The following CDH6 variants were observed in gnomAD, a reference collection of about 807,000 sequenced individuals.
CDH6 encodes the protein cadherin 6.
CDH6 carries 31 observed loss-of-function variants against 78.0 expected under a neutral mutation model. The ratio of observed to expected loss-of-function variants is 0.40; its 90% CI spans 0.30 to 0.54. The LOEUF (loss-of-function observed/expected upper bound fraction) is 0.54. CDH6 is among the 20% of genes least tolerant of loss of function. The pLI, the probability that CDH6 is intolerant of heterozygous loss-of-function variation, is 0.56. For synonymous variants in CDH6, 376 were observed against 368.8 expected (o/e 1.02, Z -0.23); for missense variants, 724 against 975.9 (o/e 0.74, Z 3.44).
intron 1 of CDH6, among the ~76,000 whole-genome samples, chr5:31,259,174 A>G (rs995486632): frequency 6.6e-6 from 1 of 152,208 alleles, no homozygotes; most frequent in Non-Finnish European, 1.5e-5. Context: ...ACATCATGTA[A>G]TTGATAAAAG....
In CDH6 at chr5:31,267,202, G is replaced by T. The variant is rs185851196; in HGVS notation, c.-128-144G>T. The T allele has an allele frequency of 8.4e-5, 37 of 442,130 alleles. No homozygotes were observed. In the East Asian group the frequency reaches 1.3e-3, roughly 15 times the overall value. 27.4% of individuals were successfully genotyped at this position (442,130 alleles called of 1,614,324 possible). A position where few individuals can be genotyped will look rare whatever the true frequency, so the allele number is the denominator to read the frequency against. On this transcript the variant is annotated intron_variant, in intron 1 of 11. Transcript: ENST00000265071. ...TTCCATTTAGCATGTCTGGAAGACCGTCTCCTTCGTTTCAAAATTGATAGC... is the reference window on the plus strand; with the variant it reads ...TTCCATTTAGCATGTCTGGAAGACCTTCTCCTTCGTTTCAAAATTGATAGC...
intron 7 of CDH6, among the ~76,000 whole-genome samples, chr5:31,311,150 G>A (rs573896585): frequency 6.6e-6 from 1 of 152,266 alleles, no homozygotes; most frequent in African/African-American, 2.4e-5. Flanking sequence ...TACACTTTAA[G>A]AAACAGCCAG....
rs1738608429 is a variant in CDH6, at chr5:31,325,589, T to C, written c.*2281T>C. 2 of 230,802 alleles carry C rather than the reference T, an allele frequency of 8.7e-6. No individual in the cohort carries two copies. Among genetic ancestry groups the C allele is most frequent in the African/African-American group, 2.2e-5 (1 of 45,244 alleles). The allele number at this position is 230,802 out of a possible 1,614,324, so 14.3% of individuals were successfully genotyped here. Reference sequence around the variant, plus strand: ...TAGTCCTGTAAAAAGAAAGGTATCATCTGAAGTTGAGGATTGACACTAGCA... The same window carrying C: ...TAGTCCTGTAAAAAGAAAGGTATCACCTGAAGTTGAGGATTGACACTAGCA... On this transcript the variant is annotated 3_prime_UTR_variant, in exon 12 of 12. Transcript: ENST00000265071.
At chr5:31,271,096 T>C (rs1038688046) in intron 2 of CDH6, among the ~76,000 whole-genome samples, 1 of 152,162 alleles carries the variant, frequency 6.6e-6, no homozygotes, top group African/African-American at 2.4e-5. Context: ...GATAGAAGCA[T>C]TAACTGAGGA....
intron 1 of CDH6, among the ~76,000 whole-genome samples, chr5:31,216,683 C>CAAAAAA (rs70953498): frequency 2.3e-5 from 3 of 132,654 alleles, no homozygotes; most frequent in Admixed American, 7.7e-5. Context: ...GCCCTGCCAC[C>CAAAAAA]AAAAAAAAAA....
At chr5:31,298,963 G>A (rs184275883) in intron 4 of CDH6, among the ~76,000 whole-genome samples, 10 of 152,242 alleles carry the variant, frequency 6.6e-5, no homozygotes, top group East Asian at 5.8e-4. Flanking sequence ...CAGAGCATTC[G>A]TTATGGTAGG....
chr5:31,257,191 T>C (rs142127040), intron 1 of CDH6, among the ~76,000 whole-genome samples: 24 of 151,802 alleles, frequency 1.6e-4, no homozygotes, highest in African/African-American at 5.3e-4. Context: ...TGAGACGGAG[T>C]CTTGCTCTGT....
Position 31,267,434 on chromosome 5 carries a change from T to C in CDH6, c.-40T>C. The C allele has an allele frequency of 6.8e-7, 1 of 1,471,244 alleles. No homozygotes were observed. The highest frequency in any genetic ancestry group is 9.5e-7 in the Non-Finnish European group (1 of 1,051,132). The allele number at this position is 1,471,244 out of a possible 1,614,324, so 91.1% of individuals were successfully genotyped here. A position where few individuals can be genotyped will look rare whatever the true frequency, so the allele number is the denominator to read the frequency against. ...GCAGTGAAAAAGGCACTTCCAAGAG[T>C]GGGGCACTCACTACGCACAGACTCG... On this transcript the variant is annotated 5_prime_UTR_variant, in exon 2 of 12. Coordinates refer to ENST00000265071, the MANE Select transcript of CDH6 (RefSeq NM_004932.4).
intron 1 of CDH6, among the ~76,000 whole-genome samples, chr5:31,196,482 G>T (rs986921747): frequency 6.6e-6 from 1 of 152,134 alleles, no homozygotes; most frequent in East Asian, 1.9e-4. Flanking sequence ...TTGCAGTCAC[G>T]AATGCCAACA....
chr5:31,219,969 G>A (rs931081869), intron 1 of CDH6, among the ~76,000 whole-genome samples: 2 of 152,124 alleles, frequency 1.3e-5, no homozygotes, highest in African/African-American at 2.4e-5. Flanking sequence ...ATATTGTATC[G>A]TTTAAGTCTT....
intron 6 of CDH6, among the ~76,000 whole-genome samples, chr5:31,303,754 GA>G (rs1737897211): frequency 6.6e-6 from 1 of 152,006 alleles, no homozygotes; most frequent in Non-Finnish European, 1.5e-5. Flanking sequence ...AATAACAAGA[GA>G]TTTTTTTTTC....
intron 2 of CDH6, among the ~76,000 whole-genome samples, chr5:31,286,692 G>C (rs1743021324): frequency 6.6e-6 from 1 of 152,108 alleles, no homozygotes; most frequent in African/African-American, 2.4e-5. Flanking sequence ...AATTAGAGGA[G>C]ACTGGCATCT....
At chr5:31,261,285 G>A (rs1742205137) in intron 1 of CDH6, among the ~76,000 whole-genome samples, 1 of 152,184 alleles carries the variant, frequency 6.6e-6, no homozygotes, top group African/African-American at 2.4e-5. Flanking sequence ...TGCAGTAAGA[G>A]AGATGTTAAA....
At chr5:31,279,287 G>C (rs1049878084) in intron 2 of CDH6, among the ~76,000 whole-genome samples, 1 of 152,032 alleles carries the variant, frequency 6.6e-6, no homozygotes, top group Non-Finnish European at 1.5e-5. Context: ...GAAAATCATG[G>C]CTGGGCACAA....
At chr5:31,250,858 C>A (rs866412131) in intron 1 of CDH6, 1 of 152,386 alleles carries the variant, frequency 6.6e-6, no homozygotes, top group Non-Finnish European at 1.5e-5. Context: ...CAAAACCCAC[C>A]CTTTTAGGTC....
chr5:31,296,683 A>G lies in CDH6; in HGVS notation c.524-606A>G, dbSNP rs376422651. Among the ~76,000 whole-genome samples, 4 of 152,298 alleles carry G rather than the reference A, an allele frequency of 2.6e-5. 1 individual carries two copies. The highest frequency in any genetic ancestry group is 9.6e-5 in the African/African-American group (4 of 41,578). Reference sequence around the variant, plus strand: ...ACTCGAACTAGTTTAAACAACAACAAATAAGTATTTATTTGTCACATTACT... The same window carrying G: ...ACTCGAACTAGTTTAAACAACAACAGATAAGTATTTATTTGTCACATTACT... On this transcript the variant is annotated intron_variant, in intron 3 of 11. Coordinates refer to ENST00000265071, the MANE Select transcript of CDH6 (RefSeq NM_004932.4).
intron 1 of CDH6, among the ~76,000 whole-genome samples, chr5:31,238,555 G>A (rs1213835390): frequency 6.6e-6 from 1 of 152,086 alleles, no homozygotes; most frequent in Non-Finnish European, 1.5e-5. Flanking sequence ...AACAATTACT[G>A]CAATTATGGC....
chr5:31,243,337 C>T (rs1019766345), intron 1 of CDH6, among the ~76,000 whole-genome samples: 6 of 152,108 alleles, frequency 3.9e-5, no homozygotes, highest in African/African-American at 9.7e-5. Context: ...CATCTTTAAG[C>T]CAGACCACAT....
intron 1 of CDH6, among the ~76,000 whole-genome samples, chr5:31,233,571 C>T (rs1561034731): frequency 1.3e-5 from 2 of 151,894 alleles, no homozygotes; most frequent in Non-Finnish European, 2.9e-5. Context: ...TATTGCTTAT[C>T]ATTACTCATT....
Sources: allele counts gnomAD v4.1 joint callset (sites outside exome capture counted in the v4.1 genomes callset), GRCh38; gene constraint gnomAD v4.1.1; transcripts MANE v1.5; gene names NCBI Gene and HGNC (gene_info 2026-07-23, HGNC 2026-07-21).